The following SLC23A2 variants were observed in gnomAD, a reference collection of about 807,000 sequenced individuals.
The protein encoded by SLC23A2 is solute carrier family 23 member 2.
Under a neutral mutation model 73.3 loss-of-function variants are expected in SLC23A2, and 36 were observed. The ratio of observed to expected loss-of-function variants is 0.49; its 90% CI spans 0.38 to 0.65. The LOEUF (loss-of-function observed/expected upper bound fraction) is 0.65, where lower values mean the gene tolerates loss of function less well. Among genes scored for constraint, SLC23A2 ranks in the 30% least tolerant of loss-of-function variants. The pLI is 0.00. For synonymous variants in SLC23A2, 343 were observed against 327.3 expected, an observed-to-expected ratio of 1.05 and a Z score of -0.52; for missense variants, 507 against 841.6, an observed-to-expected ratio of 0.60 and a Z score of 4.92.
intron 3 of SLC23A2, among the ~76,000 whole-genome samples, chr20:4,922,757 G>A (rs560759020): frequency 4.0e-4 from 61 of 151,928 alleles, no homozygotes; most frequent in Non-Finnish European, 7.5e-4. Flanking sequence ...GCTTGAACCC[G>A]GGAGGCAGAG....
At chr20:4,983,129 T>C (rs1049201391) in intron 1 of SLC23A2, among the ~76,000 whole-genome samples, 5 of 151,522 alleles carry the variant, frequency 3.3e-5, no homozygotes, top group Non-Finnish European at 5.9e-5. Context: ...AGTCCACATG[T>C]AAAACAATGA....
At chr20:4,888,889 T>A (rs1931207352) in intron 6 of SLC23A2, among the ~76,000 whole-genome samples, 1 of 152,182 alleles carries the variant, frequency 6.6e-6, no homozygotes. Flanking sequence ...GATTTCTGCA[T>A]CTCGTCCTGG....
At chr20:4,912,240 A>G (rs1444213308) in intron 4 of SLC23A2, among the ~76,000 whole-genome samples, 1 of 151,994 alleles carries the variant, frequency 6.6e-6, no homozygotes, top group Non-Finnish European at 1.5e-5. Context: ...ACAAAAATAA[A>G]CAAAAAAACC....
intron 4 of SLC23A2, among the ~76,000 whole-genome samples, chr20:4,906,846 T>C (rs1437841567): frequency 1.3e-5 from 2 of 152,088 alleles, no homozygotes; most frequent in Non-Finnish European, 2.9e-5. Flanking sequence ...TTTTTTTTAA[T>C]ATGGAAATTG....
In SLC23A2 at chr20:4,854,020, A is replaced by G. The variant is rs1256386096; in HGVS notation, c.*2952T>C. 6.6e-6 allele frequency: 1 copy of G among 152,158 alleles called. No individual in the cohort carries two copies. The highest frequency in any genetic ancestry group is 1.5e-5 in the Non-Finnish European group (1 of 68,022). 9.4% of individuals were successfully genotyped at this position (152,158 alleles called of 1,614,324 possible). On this transcript the variant is annotated 3_prime_UTR_variant, in exon 17 of 17. Transcript: ENST00000338244. ...TCCGTATTCACGCTGTCTACATTTC[A>G]TGTTGGGATTGCCCACACAAATGCT...
chr20:4,856,956 C>T lies in SLC23A2; in HGVS notation c.*16G>A, dbSNP rs748686355. ...TACATGCCTCACTGCGGCCAGGCCA[C>T]AGGGCACAGCAAAGGCTATCCCGTG... On this transcript the variant is annotated 3_prime_UTR_variant, in exon 17 of 17. Transcript: ENST00000338244. This position sits in a 1 kb window ranked among gnomAD's most constrained non-coding sequence, Gnocchi z 4.6. 6.3e-7 allele frequency: 1 copy of T among 1,580,790 alleles called. No homozygotes were observed. Among genetic ancestry groups the T allele is most frequent in the Non-Finnish European group, 8.7e-7 (1 of 1,151,036 alleles).
chr20:4,962,778 A>T (rs368955675), intron 2 of SLC23A2, among the ~76,000 whole-genome samples: 1,754 of 152,130 alleles, frequency 0.012, 37 homozygotes, highest in African/African-American at 0.04. Context: ...GCAATGGATC[A>T]CCTGAGGTCA....
Position 4,857,941 on chromosome 20 carries a change from CA to C in SLC23A2, c.1721-738del, listed in dbSNP as rs1263541581. Among the ~76,000 whole-genome samples the C allele has an allele frequency of 6.9e-6, 1 of 144,248 alleles. No individual in the cohort carries two copies. Among genetic ancestry groups the C allele is most frequent in the East Asian group, 1.9e-4 (1 of 5,186 alleles). The allele number at this position is 144,248 out of a possible 152,430, so 94.6% of individuals were successfully genotyped here. On this transcript the variant is annotated intron_variant, in intron 16 of 16. Transcript: ENST00000338244. The surrounding 1 kb of genome is among the most constrained non-coding windows in gnomAD (Gnocchi z 4.0). ...GCAAGACTCTGTCTTAAAAACAAAA[CA>C]AAACAAAACAAAACAAACAACAAAA...
chr20:4,934,373 G>A (rs903274003), intron 2 of SLC23A2, among the ~76,000 whole-genome samples: 3 of 152,058 alleles, frequency 2.0e-5, no homozygotes, highest in African/African-American at 7.2e-5. Flanking sequence ...CAAGATTTCA[G>A]GAGGGCTGAG....
intron 2 of SLC23A2, among the ~76,000 whole-genome samples, chr20:4,938,458 C>T (rs147263321): frequency 6.6e-6 from 1 of 151,898 alleles, no homozygotes; most frequent in Non-Finnish European, 1.5e-5. Flanking sequence ...CCTGCCTCAG[C>T]GTCTCGAGTA....
chr20:4,943,578 G>A (rs1600157322), intron 2 of SLC23A2, among the ~76,000 whole-genome samples: 1 of 151,692 alleles, frequency 6.6e-6, no homozygotes, highest in Admixed American at 6.6e-5. Flanking sequence ...AGGAGACTGA[G>A]GTGGGAGGAT....
intron 3 of SLC23A2, among the ~76,000 whole-genome samples, chr20:4,929,716 T>C (rs925821378): frequency 6.6e-6 from 1 of 151,672 alleles, no homozygotes; most frequent in African/African-American, 2.4e-5. Flanking sequence ...TTAGAAGAAG[T>C]ATAATTATTG....
Position 4,867,788 on chromosome 20 carries a change from T to C in SLC23A2, c.1338A>G (p.Gly446=). Residue 446 remains glycine, a synonymous_variant, in exon 13 of 17, where the codon GGA becomes GGG. Transcript: ENST00000338244. The part of the protein sequence containing the change: ...NGSTSSSPNI[G]VLGITKVGSR... ...TGTGTACCTTTGTAATTCCCAAAAC[T>C]CCAATGTTGGGACTGGATGAAGTAG... The C allele has an allele frequency of 6.3e-7, 1 of 1,593,648 alleles. No individual in the cohort carries two copies. Among genetic ancestry groups the C allele is most frequent in the Non-Finnish European group, 8.6e-7 (1 of 1,162,436 alleles).
intron 6 of SLC23A2, among the ~76,000 whole-genome samples, chr20:4,895,059 C>T (rs1206381032): frequency 6.6e-6 from 1 of 152,242 alleles, no homozygotes; most frequent in Non-Finnish European, 1.5e-5. Flanking sequence ...GGGTACTCAG[C>T]AAGAGGCAGT....
In SLC23A2 at chr20:4,862,953, CA is replaced by C; in HGVS notation, c.1357-47del. 1.3e-6 allele frequency: 2 copies of C among 1,581,936 alleles called. No homozygotes were observed. The highest frequency in any genetic ancestry group is 1.7e-6 in the Non-Finnish European group (2 of 1,157,606). On this transcript the variant is annotated intron_variant, in intron 13 of 16. Transcript: ENST00000338244. This position sits in a 1 kb window ranked among gnomAD's most constrained non-coding sequence, Gnocchi z 5.1. ...TGGGAAACAGGGACTCATCTCCATG[CA>C]AAATCACCGTAAGTTACTAAAGAAC... is the stretch of plus-strand genomic sequence containing the variant.
chr20:4,986,259 C>T (rs2087824638), intron 1 of SLC23A2, among the ~76,000 whole-genome samples: 1 of 151,988 alleles, frequency 6.6e-6, no homozygotes, highest in Admixed American at 6.6e-5. Context: ...CCCAGGAGTT[C>T]CAGACTAGCC....
intron 1 of SLC23A2, among the ~76,000 whole-genome samples, chr20:4,988,962 C>T (rs149039807): frequency 1.9e-4 from 29 of 151,802 alleles, no homozygotes; most frequent in Non-Finnish European, 3.8e-4. Context: ...CTAGGCCGGG[C>T]GCGGTGGCTC....
At chr20:4,961,336 C>A (rs1313275176) in intron 2 of SLC23A2, among the ~76,000 whole-genome samples, 17 of 152,032 alleles carry the variant, frequency 1.1e-4, no homozygotes, top group Admixed American at 8.5e-4. Flanking sequence ...CCCACCTTGG[C>A]CTCCCAAAGT....
chr20:4,924,289 C>T (rs1261066292), intron 3 of SLC23A2, among the ~76,000 whole-genome samples: 3 of 152,298 alleles, frequency 2.0e-5, no homozygotes, highest in Non-Finnish European at 1.5e-5. Context: ...GGCTCCTCCC[C>T]GTCCTCCCTC....
Sources: gnomAD v4.1 joint callset for allele counts (sites outside exome capture counted in the v4.1 genomes callset) on GRCh38, gnomAD v4.1.1 for gene constraint, Gnocchi (gnomAD v3.1) non-coding constraint, MANE v1.5 for transcripts, NCBI Gene and HGNC (gene_info 2026-07-23, HGNC 2026-07-21) for gene names.